Variants in CASTOR2 observed in about 807,000 individuals in gnomAD.
CASTOR2 encodes the protein cytosolic arginine sensor for mTORC1 subunit 2, also known as GATS protein like 2.
CASTOR2 carries 8 observed loss-of-function variants against 31.2 expected under a neutral mutation model. The ratio of observed to expected loss-of-function variants is 0.26; its 90% confidence interval spans 0.15 to 0.46. The LOEUF (loss-of-function observed/expected upper bound fraction) is 0.46, where lower values mean the gene tolerates loss of function less well. Ranked by LOEUF, CASTOR2 falls within the 20% of genes least tolerant of loss-of-function variation. CASTOR2 has a pLI of 0.99. For synonymous variants in CASTOR2, 162 were observed against 158.7 expected, an observed-to-expected ratio of 1.02 and a Z score of -0.16; for missense variants, 216 against 382.1, an observed-to-expected ratio of 0.57 and a Z score of 3.62.
At chr7:74,973,333 CTT>C (rs1200356756) in intron 1 of CASTOR2, among the ~76,000 whole-genome samples, 214 of 80,308 alleles carry the variant, frequency 2.7e-3, no homozygotes, top group African/African-American at 0.011. Context: ...CTCCAGTAAG[CTT>C]TTTTTTTTTT....
At chr7:75,002,141 G>A (rs1313759924) in intron 1 of CASTOR2, among the ~76,000 whole-genome samples, 1 of 151,762 alleles carries the variant, frequency 6.6e-6, no homozygotes, top group Non-Finnish European at 1.5e-5. Flanking sequence ...GGCCAGACTG[G>A]TCTCAAACTC....
Position 75,031,447 on chromosome 7 carries a change from A to C in CASTOR2, c.*6748A>C, listed in dbSNP as rs1343395627. Among the ~76,000 whole-genome samples, 11 of 152,038 alleles carry C rather than the reference A, an allele frequency of 7.2e-5. No individual in the cohort carries two copies. Among genetic ancestry groups the C allele is most frequent in the Non-Finnish European group, 1.5e-4 (10 of 67,988 alleles). ...GAGATTCATGTACTGTATGTTGGAG[A>C]AAAAAAATTACCTAATGTTCCCCCA... On this transcript the variant is annotated 3_prime_UTR_variant, in exon 9 of 9. Transcript: ENST00000616305.
chr7:75,024,918 G>T lies in CASTOR2; in HGVS notation c.*219G>T, dbSNP rs896890304. The T allele has an allele frequency of 8.8e-7, 1 of 1,131,876 alleles. No individual in the cohort carries two copies. Among genetic ancestry groups the T allele is most frequent in the African/African-American group, 1.6e-5 (1 of 63,854 alleles). The allele number at this position is 1,131,876 out of a possible 1,614,324, so 70.1% of individuals were successfully genotyped here. A position where few individuals can be genotyped will look rare whatever the true frequency, so the allele number is the denominator to read the frequency against. On this transcript the variant is annotated 3_prime_UTR_variant, in exon 9 of 9. Transcript: ENST00000616305. Reference sequence around the variant, plus strand: ...CTTCCCGGAGCCCCCCGACCCTCCAGAGAACGACCTTTCTCTTCCCTACCT... The same window carrying T: ...CTTCCCGGAGCCCCCCGACCCTCCATAGAACGACCTTTCTCTTCCCTACCT...
Position 75,026,188 on chromosome 7 carries a change from G to A in CASTOR2, c.*1489G>A, listed in dbSNP as rs917379117. Among the ~76,000 whole-genome samples, 1 of 113,264 alleles carries A rather than the reference G, an allele frequency of 8.8e-6. No homozygotes were observed. The highest frequency in any genetic ancestry group is 1.9e-5 in the Non-Finnish European group (1 of 51,510). 74.3% of individuals were successfully genotyped at this position (113,264 alleles called of 152,430 possible). ...CCCCTGTGGTTTTGGCTCTGGCGGG[G>A]GTTTTTTTTTTTTTTTTTGAGATGG... On this transcript the variant is annotated 3_prime_UTR_variant, in exon 9 of 9. Coordinates refer to ENST00000616305, the MANE Select transcript of CASTOR2 (RefSeq NM_001145064.3).
At chr7:74,991,339 C>T (rs1352741091) in intron 1 of CASTOR2, among the ~76,000 whole-genome samples, 5 of 152,128 alleles carry the variant, frequency 3.3e-5, no homozygotes, top group Non-Finnish European at 7.3e-5. Context: ...AAACTGAAGC[C>T]GGGACAAGGA....
intron 1 of CASTOR2, among the ~76,000 whole-genome samples, chr7:74,969,786 T>C (rs1803639506): frequency 6.7e-6 from 1 of 148,854 alleles, no homozygotes; most frequent in Admixed American, 6.7e-5. Flanking sequence ...CTTGCGTATT[T>C]CTCAACTTTT....
intron 2 of CASTOR2, among the ~76,000 whole-genome samples, chr7:75,013,830 C>T (rs1804806167): frequency 3.3e-5 from 5 of 152,144 alleles, no homozygotes; most frequent in African/African-American, 1.2e-4. Context: ...CGGGTTCAAG[C>T]GATTCTCATG....
In CASTOR2 at chr7:75,005,147, G is replaced by A. The variant is rs1554438664; in HGVS notation, c.114-2847G>A. 9.0e-3 allele frequency among the ~76,000 whole-genome samples: 1,367 copies of A among 152,006 alleles called. 12 individuals carry two copies. Among genetic ancestry groups the A allele is most frequent in the Non-Finnish European group, 0.012 (799 of 67,970 alleles). The stretch of plus-strand genomic sequence containing the variant: ...CTCGCAAAGTGCTGGGATTACAGGC[G>A]TGAGCCACCGCACCCGGCCTAAATT... On this transcript the variant is annotated intron_variant, in intron 1 of 8. Transcript: ENST00000616305.
At chr7:74,990,582 C>T (rs1458887029) in intron 1 of CASTOR2, among the ~76,000 whole-genome samples, 8 of 151,894 alleles carry the variant, frequency 5.3e-5, no homozygotes, top group Non-Finnish European at 8.8e-5. Flanking sequence ...AGGCTAGGTG[C>T]GGTGGCTCAC....
chr7:75,013,966 T>C (rs1299595207), intron 2 of CASTOR2, among the ~76,000 whole-genome samples: 11 of 152,030 alleles, frequency 7.2e-5, no homozygotes, highest in Admixed American at 7.2e-4. Flanking sequence ...TGACCTCAAG[T>C]GATCTGCCTG....
intron 1 of CASTOR2, among the ~76,000 whole-genome samples, chr7:74,986,298 C>T (rs1804064030): frequency 1.3e-5 from 2 of 150,854 alleles, no homozygotes; most frequent in Non-Finnish European, 3.0e-5. Context: ...CCAGCCTGGC[C>T]AAGATGGTGA....
chr7:75,008,188 C>A, intron 2 of CASTOR2, 124 bp downstream of exon 2: 1 of 1,202,134 alleles, frequency 8.3e-7, no homozygotes, highest in Non-Finnish European at 1.2e-6. Flanking sequence ...CTCCTTACTT[C>A]TGCCCTCATC....
In CASTOR2 at chr7:75,028,188, G is replaced by C; in HGVS notation, c.*3489G>C. On this transcript the variant is annotated 3_prime_UTR_variant, in exon 9 of 9. Transcript: ENST00000616305. ...GCTGGAGTGCTGTGGCATGATCTCA[G>C]CTCACTGCAGCAACCTCCACTTCCT... 1 of 1,013,134 alleles carries C rather than the reference G, an allele frequency of 9.9e-7. No homozygotes were observed. The highest frequency in any genetic ancestry group is 1.4e-6 in the Non-Finnish European group (1 of 717,528). 62.8% of individuals were successfully genotyped at this position (1,013,134 alleles called of 1,614,324 possible).
At position 75,025,601 on chromosome 7, in the gene CASTOR2, GTCC is replaced by G. The variant is rs1237063880; in HGVS notation, c.*909_*911del. Among the ~76,000 whole-genome samples, 1 of 152,216 alleles carries G rather than the reference GTCC, an allele frequency of 6.6e-6. No homozygotes were observed. Among genetic ancestry groups the G allele is most frequent in the African/African-American group, 2.4e-5 (1 of 41,464 alleles). ...CTAGACCAGCATAGGACTCCCCGCCGTCCTCCTCCCTCCTCTGCCCCCAAGTCA... is the reference window on the plus strand; with the variant it reads ...CTAGACCAGCATAGGACTCCCCGCCGTCCTCCCTCCTCTGCCCCCAAGTCA... On this transcript the variant is annotated 3_prime_UTR_variant, in exon 9 of 9. Transcript: ENST00000616305.
At chr7:75,022,339 T>C (rs1244698181) in intron 7 of CASTOR2, among the ~76,000 whole-genome samples, 1 of 152,092 alleles carries the variant, frequency 6.6e-6, no homozygotes, top group African/African-American at 2.4e-5. Flanking sequence ...GCCCTGTCTC[T>C]ACCAAAATTT....
intron 2 of CASTOR2, among the ~76,000 whole-genome samples, chr7:75,015,772 A>G (rs1804849691): frequency 6.6e-6 from 1 of 152,078 alleles, no homozygotes; most frequent in East Asian, 1.9e-4. Context: ...GGTGAGCAAA[A>G]TAACCCTGCC....
chr7:74,977,178 C>G (rs1329965469), intron 1 of CASTOR2, among the ~76,000 whole-genome samples: 6 of 135,402 alleles, frequency 4.4e-5, no homozygotes, highest in African/African-American at 1.7e-4. Flanking sequence ...GAGTGAAACT[C>G]CATCTCAAAA....
Position 75,024,531 on chromosome 7 carries a change from A to G in CASTOR2, c.921A>G (p.Ala307=). The G allele has an allele frequency of 6.4e-7, 1 of 1,551,510 alleles. No individual in the cohort carries two copies. Among genetic ancestry groups the G allele is most frequent in the Non-Finnish European group, 8.7e-7 (1 of 1,146,834 alleles). Residue 307 remains alanine, a synonymous_variant, in exon 8 of 9, where the codon GCA becomes GCG. Coordinates refer to ENST00000616305, the MANE Select transcript of CASTOR2 (RefSeq NM_001145064.3). The stretch of plus-strand genomic sequence containing the variant: ...TCAGTACTTTCAAGTTTGATCATGC[A>G]CTTGTGAGTGTCCAGCGCCAGACCC... ...YYISTFKFDH[A]LVPEENINGV...
chr7:75,024,555 C>T (rs968301341), intron 8 of CASTOR2, 21 bp downstream of exon 8: 9 of 1,551,556 alleles, frequency 5.8e-6, no homozygotes, highest in Non-Finnish European at 7.0e-6. Flanking sequence ...AGCGCCAGAC[C>T]CCTCCAGGGC....
Sources: allele counts gnomAD v4.1 joint callset (sites outside exome capture counted in the v4.1 genomes callset), GRCh38; gene constraint gnomAD v4.1.1; transcripts MANE v1.5; gene names NCBI Gene and HGNC (gene_info 2026-07-23, HGNC 2026-07-21).